The following RPRD1B variants were observed in gnomAD, a reference collection of about 807,000 sequenced individuals.
RPRD1B encodes the protein regulation of nuclear pre-mRNA domain containing 1B, also known as regulation of nuclear pre-mRNA domain-containing protein 1B.
RPRD1B carries 11 observed loss-of-function variants against 41.5 expected under a neutral mutation model. The observed-to-expected ratio is 0.27, with a 90% CI of 0.17 to 0.44. RPRD1B has a LOEUF of 0.44. Ranked by LOEUF, RPRD1B falls within the 20% of genes least tolerant of loss-of-function variation. The pLI, the probability that RPRD1B is intolerant of heterozygous loss-of-function variation, is 1.00. For synonymous variants in RPRD1B, 158 were observed against 155.6 expected (o/e 1.02, Z -0.12); for missense variants, 248 against 389.9 (o/e 0.64, Z 3.06).
At chr20:38,051,430 C>T (rs1402905960) in intron 3 of RPRD1B, among the ~76,000 whole-genome samples, 3 of 152,140 alleles carry the variant, frequency 2.0e-5, no homozygotes, top group African/African-American at 7.2e-5. Context: ...CCGTTATGTA[C>T]CAGCCTCTGC....
intron 3 of RPRD1B, among the ~76,000 whole-genome samples, chr20:38,049,359 C>CTTTTTTCTTTTTTTTTTTTTTTTT (rs2074156524): frequency 7.9e-6 from 1 of 126,408 alleles, no homozygotes. Context: ...TTTTTTCTTT[C>CTTTTTTCTTTTTTTTTTTTTTTTT]TTTTTTTCTT....
intron 1 of RPRD1B, among the ~76,000 whole-genome samples, chr20:38,038,612 T>G (rs2074031369): frequency 6.8e-6 from 1 of 146,446 alleles, no homozygotes; most frequent in African/African-American, 2.5e-5. Flanking sequence ...TTGTCCTGCC[T>G]CAGCCTCCTG....
rs1568666295 is a variant in RPRD1B, at chr20:38,090,000, A to G, written c.*125A>G. The G allele has an allele frequency of 2.7e-6, 4 of 1,467,052 alleles. No individual in the cohort carries two copies. The East Asian group carries it at 7.1e-5, about 26-fold the overall frequency. 90.9% of individuals were successfully genotyped at this position (1,467,052 alleles called of 1,614,324 possible). A position where few individuals can be genotyped will look rare whatever the true frequency, so the allele number is the denominator to read the frequency against. Reference sequence around the variant, plus strand: ...CCGCCCAGCCCCCCAGCCTCAAGAAAGAACCTCAGACTCTGATTCTCCTCT... The same window carrying G: ...CCGCCCAGCCCCCCAGCCTCAAGAAGGAACCTCAGACTCTGATTCTCCTCT... On this transcript the variant is annotated 3_prime_UTR_variant, in exon 7 of 7. Transcript: ENST00000373433.
chr20:38,036,151 G>C (rs1372238299), intron 1 of RPRD1B, among the ~76,000 whole-genome samples: 2 of 152,138 alleles, frequency 1.3e-5, no homozygotes, highest in African/African-American at 4.8e-5. Flanking sequence ...GAGTACATTT[G>C]TGTATGAAGC....
chr20:38,072,409 C>A (rs2074421774), intron 6 of RPRD1B, among the ~76,000 whole-genome samples: 1 of 152,176 alleles, frequency 6.6e-6, no homozygotes. Context: ...CACACTATCT[C>A]CATCACTGTA....
intron 3 of RPRD1B, chr20:38,049,769 G>T (rs1208736471): frequency 2.1e-6 from 1 of 471,190 alleles, no homozygotes; most frequent in South Asian, 1.5e-5. Context: ...CTTAGCTACA[G>T]ATCTGATCTG....
intron 6 of RPRD1B, chr20:38,070,737 G>GT (rs776339152): frequency 1.5e-4 from 132 of 863,418 alleles, no homozygotes; most frequent in Non-Finnish European, 1.7e-4. Context: ...TCTTAACTGT[G>GT]ATTTTTTTTT....
chr20:38,040,247 CTT>C (rs11477093), intron 1 of RPRD1B, among the ~76,000 whole-genome samples, 186 bp from the exon 2 acceptor site: 8 of 147,476 alleles, frequency 5.4e-5, no homozygotes, highest in African/African-American at 7.4e-5. Flanking sequence ...TTTTCTTTTT[CTT>C]TTTTTTTTTT....
At chr20:38,039,645 C>G (rs551669998) in intron 1 of RPRD1B, among the ~76,000 whole-genome samples, 1 of 151,892 alleles carries the variant, frequency 6.6e-6, no homozygotes, top group Non-Finnish European at 1.5e-5. Context: ...CTCAGGTGAT[C>G]CGTCCATCTC....
At chr20:38,036,705 GCTAT>G (rs778576915) in intron 1 of RPRD1B, among the ~76,000 whole-genome samples, 14 of 152,170 alleles carry the variant, frequency 9.2e-5, no homozygotes, top group Non-Finnish European at 5.9e-5. Context: ...TATAAACAGC[GCTAT>G]CTAATACAAT....
rs546442570 is a variant in RPRD1B, at chr20:38,050,746, A to G, written c.415+2265A>G. ...TTCTGATTTTTTTTTGAAAGTCTAG[A>G]CAGACATTAACAATAATAGAGGCAG... On this transcript the variant is annotated intron_variant, in intron 3 of 6. Transcript: ENST00000373433. Among the ~76,000 whole-genome samples the G allele has an allele frequency of 2.0e-5, 3 of 152,328 alleles. No homozygotes were observed. In the East Asian group the frequency reaches 5.8e-4, roughly 29 times the overall value.
At chr20:38,034,185 G>C in intron 1 of RPRD1B, 87 bp downstream of exon 1, 1 of 1,415,748 alleles carries the variant, frequency 7.1e-7, no homozygotes, top group South Asian at 1.4e-5. Context: ...CCTCTTCATT[G>C]AGCCTTGCTT....
intron 4 of RPRD1B, among the ~76,000 whole-genome samples, chr20:38,058,476 T>C (rs1344592946): frequency 2.0e-5 from 3 of 152,348 alleles, no homozygotes; most frequent in African/African-American, 7.2e-5. Context: ...AACTACCATC[T>C]ACAGAGCTAG....
At position 38,049,363 on chromosome 20, in the gene RPRD1B, T is replaced by C. The variant is rs374743124; in HGVS notation, c.415+882T>C. 7.2e-3 allele frequency among the ~76,000 whole-genome samples: 1,022 copies of C among 142,190 alleles called. 6 individuals carry two copies. Among genetic ancestry groups the C allele is most frequent in the African/African-American group, 0.022 (812 of 36,138 alleles). The allele number at this position is 142,190 out of a possible 152,430, so 93.3% of individuals were successfully genotyped here. A position where few individuals can be genotyped will look rare whatever the true frequency, so the allele number is the denominator to read the frequency against. ...ATTATTTTTTCTTTTTTCTTTCTTT[T>C]TTTCTTTTTTTTTTTTTTTTTTTTT... On this transcript the variant is annotated intron_variant, in intron 3 of 6. Transcript: ENST00000373433.
chr20:38,089,302 A>C (rs2122778596), intron 6 of RPRD1B, among the ~76,000 whole-genome samples: 1 of 152,240 alleles, frequency 6.6e-6, no homozygotes, highest in South Asian at 2.1e-4. Flanking sequence ...TTAATCTCCA[A>C]GCTTTAACAT....
At chr20:38,079,318 T>C (rs1452502553) in intron 6 of RPRD1B, among the ~76,000 whole-genome samples, 1 of 152,162 alleles carries the variant, frequency 6.6e-6, no homozygotes, top group Non-Finnish European at 1.5e-5. Flanking sequence ...ATGGGTACAT[T>C]GTGTGTCACA....
intron 2 of RPRD1B, among the ~76,000 whole-genome samples, chr20:38,047,889 A>C (rs2074135954): frequency 6.6e-6 from 1 of 152,192 alleles, no homozygotes; most frequent in Non-Finnish European, 1.5e-5. Context: ...GATTGTGTTT[A>C]TACATGTAGA....
intron 6 of RPRD1B, among the ~76,000 whole-genome samples, chr20:38,082,977 TTGTC>T (rs1328616546): frequency 6.6e-6 from 1 of 152,176 alleles, no homozygotes; most frequent in African/African-American, 2.4e-5. Context: ...ACAAAAAAAT[TTGTC>T]TGTTAGTTTG....
chr20:38,056,715 C>G (rs576810698), intron 3 of RPRD1B, among the ~76,000 whole-genome samples: 2 of 152,266 alleles, frequency 1.3e-5, no homozygotes, highest in South Asian at 4.1e-4. Flanking sequence ...GATGCTGTAT[C>G]TTAAAATTGT....
Sources: gnomAD v4.1 joint callset for allele counts (sites outside exome capture counted in the v4.1 genomes callset) on GRCh38, gnomAD v4.1.1 for gene constraint, MANE v1.5 for transcripts, NCBI Gene and HGNC (gene_info 2026-07-23, HGNC 2026-07-21) for gene names.